Variants in BRD10 observed in about 807,000 individuals in gnomAD.
The protein encoded by BRD10 is uncharacterized bromodomain-containing protein 10.
the BRD10 span, among the ~76,000 whole-genome samples, chr9:5,980,812 A>C: frequency 6.6e-6 from 1 of 152,198 alleles, no homozygotes; most frequent in Non-Finnish European, 1.5e-5. Context: ...TATATACTAA[A>C]TTTTCAGGCT....
chr9:5,933,694 T>G, the BRD10 span: 6 of 444,120 alleles, frequency 1.4e-5, no homozygotes, highest in Non-Finnish European at 2.3e-5. Flanking sequence ...TACACAATAT[T>G]GTAAAAAGAA....
At chr9:5,918,640 G>A in the BRD10 span, among the ~76,000 whole-genome samples, 1 of 123,298 alleles carries the variant, frequency 8.1e-6, no homozygotes, top group Non-Finnish European at 1.7e-5. Flanking sequence ...TGCCGTTAGT[G>A]GCTTTTTTTT....
At chr9:5,970,788 C>T in the BRD10 span, among the ~76,000 whole-genome samples, 7 of 151,992 alleles carry the variant, frequency 4.6e-5, no homozygotes, top group African/African-American at 1.4e-4. Flanking sequence ...CAGTGGCTCA[C>T]GCCTGTAATC....
At chr9:5,968,878 C>G in the BRD10 span, 8 of 1,613,170 alleles carry the variant, frequency 5.0e-6, no homozygotes, top group Non-Finnish European at 6.8e-6. Context: ...CATGGATAGG[C>G]TGTCCAAGTA....
chr9:5,908,074 T>C, the BRD10 span, among the ~76,000 whole-genome samples: 7 of 152,334 alleles, frequency 4.6e-5, no homozygotes, highest in African/African-American at 1.7e-4. Flanking sequence ...GCCAAATTAC[T>C]GTGTTTGATT....
the BRD10 span, chr9:5,921,144 A>C: frequency 6.2e-7 from 1 of 1,613,806 alleles, no homozygotes; most frequent in African/African-American, 1.3e-5. Context: ...CTTGTTGACA[A>C]TGGCAAAATA....
chr9:5,963,955 G>A, the BRD10 span, among the ~76,000 whole-genome samples: 3 of 151,642 alleles, frequency 2.0e-5, no homozygotes, highest in Non-Finnish European at 2.9e-5. Flanking sequence ...AAAAACCCTA[G>A]AAGAAAACCT....
chr9:5,934,925 T>C, the BRD10 span, among the ~76,000 whole-genome samples: 5 of 152,204 alleles, frequency 3.3e-5, no homozygotes, highest in African/African-American at 7.2e-5. Context: ...TACTATTACA[T>C]GAAAAGGTAA....
chr9:6,003,552 G>T, the BRD10 span, among the ~76,000 whole-genome samples: 1 of 152,032 alleles, frequency 6.6e-6, no homozygotes, highest in Non-Finnish European at 1.5e-5. Context: ...AGAGAAAATT[G>T]TATCTATAGC....
At chr9:5,901,836 T>A in the BRD10 span, among the ~76,000 whole-genome samples, 1 of 152,232 alleles carries the variant, frequency 6.6e-6, no homozygotes, top group African/African-American at 2.4e-5. Context: ...TTCTCAATAT[T>A]GAACCAGGTT....
the BRD10 span, among the ~76,000 whole-genome samples, chr9:5,987,567 T>C: frequency 2.6e-5 from 4 of 152,204 alleles, no homozygotes; most frequent in African/African-American, 7.2e-5. Context: ...AAAAGTATGA[T>C]GGTAGAAAGT....
chr9:5,934,048 T>C, the BRD10 span, among the ~76,000 whole-genome samples: 3 of 152,100 alleles, frequency 2.0e-5, no homozygotes, highest in African/African-American at 7.2e-5. Flanking sequence ...TCTTGTAATA[T>C]TATATCTAAA....
At chr9:6,008,399 G>A in the BRD10 span, 8 of 647,350 alleles carry the variant, frequency 1.2e-5, no homozygotes, top group African/African-American at 1.4e-4. Flanking sequence ...AGAGAAGGGG[G>A]AGGGCACTCA....
the BRD10 span, among the ~76,000 whole-genome samples, chr9:6,003,079 C>T: frequency 5.3e-5 from 8 of 150,926 alleles, no homozygotes; most frequent in East Asian, 9.6e-4. Flanking sequence ...TTTAAGAAAG[C>T]CTTTTTATCC....
chr9:5,986,813 A>G, the BRD10 span, among the ~76,000 whole-genome samples: 49 of 152,204 alleles, frequency 3.2e-4, 1 homozygote, highest in African/African-American at 1.1e-3. Context: ...ATTGATTCAT[A>G]TTCATAGTTT....
the BRD10 span, among the ~76,000 whole-genome samples, chr9:6,006,599 G>T: frequency 6.6e-6 from 1 of 152,186 alleles, no homozygotes; most frequent in African/African-American, 2.4e-5. Context: ...TTTAAAAAAT[G>T]TGTGTTGATG....
the BRD10 span, chr9:5,923,354 C>G: frequency 7.2e-7 from 1 of 1,386,914 alleles, no homozygotes; most frequent in Non-Finnish European, 9.9e-7. Context: ...AAAACAGCAA[C>G]TAAATAGTAA....
At chr9:5,879,837 A>G in the BRD10 span, among the ~76,000 whole-genome samples, 7 of 152,196 alleles carry the variant, frequency 4.6e-5, no homozygotes, top group Admixed American at 2.6e-4. Flanking sequence ...ATTCTAAAAA[A>G]TCCCATAGCT....
chr9:5,906,944 G>A, the BRD10 span: 4 of 1,598,528 alleles, frequency 2.5e-6, no homozygotes, highest in Non-Finnish European at 3.4e-6. Flanking sequence ...CACAAGAAGG[G>A]TTTGATCATC....
Sources: allele counts gnomAD v4.1 joint callset (sites outside exome capture counted in the v4.1 genomes callset), GRCh38; gene constraint gnomAD v4.1.1; transcripts MANE v1.5; gene names NCBI Gene and HGNC (gene_info 2026-07-23, HGNC 2026-07-21).